ATP13A5: variants seen among roughly 807,000 people sequenced by gnomAD.
The protein encoded by ATP13A5 is probable cation-transporting ATPase 13A5.
ATP13A5 carries 149 observed loss-of-function variants against 150.2 expected under a neutral mutation model. The observed-to-expected ratio is 0.99, with a 90% CI of 0.87 to 1.14. The LOEUF (loss-of-function observed/expected upper bound fraction) is 1.14. Ranked by LOEUF, ATP13A5 falls within the 50% of genes most tolerant of loss-of-function variation. The pLI is 0.00. For synonymous variants in ATP13A5, 497 were observed against 522.2 expected, an observed-to-expected ratio of 0.95 and a Z score of 0.66; for missense variants, 1,383 against 1,449.3, an observed-to-expected ratio of 0.95 and a Z score of 0.74.
At chr3:193,351,364 G>A (rs1712557329) in intron 6 of ATP13A5, among the ~76,000 whole-genome samples, 163 bp from the exon 7 acceptor site, 1 of 152,120 alleles carries the variant, frequency 6.6e-6, no homozygotes, top group African/African-American at 2.4e-5. Flanking sequence ...TTGAGAAAAT[G>A]TCAAACACAT....
At chr3:193,362,827 C>CTTTCTCTCTT (rs1713086208) in intron 3 of ATP13A5, among the ~76,000 whole-genome samples, 190 bp from the exon 4 acceptor site, 1 of 141,730 alleles carries the variant, frequency 7.1e-6, no homozygotes, top group African/African-American at 2.9e-5. Flanking sequence ...CAGGGTCTCA[C>CTTTCTCTCTT]TCTGTCACCC....
chr3:193,327,922 C>T (rs1719526333), intron 12 of ATP13A5, among the ~76,000 whole-genome samples: 1 of 152,216 alleles, frequency 6.6e-6, no homozygotes, highest in South Asian at 2.1e-4. Flanking sequence ...CCTGTTTCAA[C>T]ACTAAGATCC....
At chr3:193,343,295 T>C (rs991428269) in intron 9 of ATP13A5, among the ~76,000 whole-genome samples, 1 of 152,226 alleles carries the variant, frequency 6.6e-6, no homozygotes, top group African/African-American at 2.4e-5. Context: ...AGTAGTATCT[T>C]ACTAATTAAA....
Position 193,275,209 on chromosome 3 carries a change from G to T in ATP13A5, c.3490C>A (p.Leu1164Ile). The change falls in exon 30 of 30, where the codon CTA (leucine) becomes ATA (isoleucine). Residue 1164 changes from leucine to isoleucine, a missense_variant. Physicochemically the swap from Leu to Ile is conservative, Grantham distance 5 (BLOSUM62 2). Transcript: ENST00000342358. Reference protein sequence around the residue: ...KSQYRTWQKKLAEDSTWPPIN... With the variant: ...KSQYRTWQKKIAEDSTWPPIN... ...GGAGGCCAGGTTGAGTCTTCTGCTAGCTTCTTTTGCCAAGTCCTATATTGA... is the reference window on the plus strand; with the variant it reads ...GGAGGCCAGGTTGAGTCTTCTGCTATCTTCTTTTGCCAAGTCCTATATTGA... The T allele has an allele frequency of 6.2e-7, 1 of 1,614,154 alleles. No individual in the cohort carries two copies. Among genetic ancestry groups the T allele is most frequent in the South Asian group, 1.1e-5 (1 of 91,078 alleles).
chr3:193,299,450 T>C (rs1329483760), intron 24 of ATP13A5, among the ~76,000 whole-genome samples: 1 of 152,156 alleles, frequency 6.6e-6, no homozygotes, highest in Non-Finnish European at 1.5e-5. Flanking sequence ...CACCCTCCTA[T>C]TGGGTGCATT....
intron 27 of ATP13A5, among the ~76,000 whole-genome samples, chr3:193,284,700 A>G (rs1717644002): frequency 6.6e-6 from 1 of 152,246 alleles, no homozygotes; most frequent in Admixed American, 6.5e-5. Flanking sequence ...GACAAGACTC[A>G]TGTGACAGTT....
chr3:193,354,138 G>A lies in ATP13A5; in HGVS notation c.595C>T (p.Leu199Phe). 3 of 1,606,666 alleles carry A rather than the reference G, an allele frequency of 1.9e-6. No homozygotes were observed. Among genetic ancestry groups the A allele is most frequent in the East Asian group, 2.2e-5 (1 of 44,814 alleles). ...AAGAAAACAGTTACCTGTTTAACAA[G>A]CAGCTTCCATATGGGTTGGATTTCA... Reference protein sequence around the residue: ...EVEIQPIWKLLVKQVLNPFYV... With the variant: ...EVEIQPIWKLFVKQVLNPFYV... The change falls in exon 6 of 30, where the codon CTT becomes TTT. Residue 199 changes from leucine to phenylalanine, a missense_variant. By Grantham distance (22) the Leu-to-Phe change is conservative. Around this residue, in one of 3 missense-constraint regions of ATP13A5, gnomAD observed 787 missense variants for 771.9 expected, o/e 1.02. Coordinates refer to ENST00000342358, the MANE Select transcript of ATP13A5 (RefSeq NM_198505.4).
chr3:193,353,742 T>G (rs1712660854), intron 6 of ATP13A5, among the ~76,000 whole-genome samples: 1 of 152,198 alleles, frequency 6.6e-6, no homozygotes, highest in Non-Finnish European at 1.5e-5. Context: ...CACCGGGAAC[T>G]GAATATGCAA....
chr3:193,354,461 C>G (rs1420926654), intron 5 of ATP13A5, among the ~76,000 whole-genome samples: 1 of 152,108 alleles, frequency 6.6e-6, no homozygotes, highest in Non-Finnish European at 1.5e-5. Context: ...AAGACACTTT[C>G]ATTTTGAGTT....
At chr3:193,313,923 G>A in intron 19 of ATP13A5, 110 bp downstream of exon 19, 2 of 1,260,862 alleles carry the variant, frequency 1.6e-6, no homozygotes, top group Non-Finnish European at 2.2e-6. Context: ...CTGGACAGAT[G>A]TGAGGGATTA....
intron 21 of ATP13A5, among the ~76,000 whole-genome samples, chr3:193,309,045 A>G (rs1718735686): frequency 6.6e-6 from 1 of 152,176 alleles, no homozygotes; most frequent in East Asian, 1.9e-4. Context: ...CTCACCAGCC[A>G]TCATCTAAAG....
intron 11 of ATP13A5, 33 bp from the exon 12 acceptor site, chr3:193,331,344 GC>G (rs1711624009): frequency 1.3e-6 from 2 of 1,581,630 alleles, no homozygotes; most frequent in Middle Eastern, 2.2e-4. Context: ...ATACAGGATA[GC>G]CCAGCACAGC....
chr3:193,354,184 A>C lies in ATP13A5; in HGVS notation c.549T>G (p.Cys183Trp). The C allele has an allele frequency of 1.2e-6, 2 of 1,612,672 alleles. No homozygotes were observed. The highest frequency in any genetic ancestry group is 1.7e-6 in the Non-Finnish European group (2 of 1,179,602). Reference protein sequence around the residue: ...SEEQEVRRLVCGPNAIEVEIQ... With the variant: ...SEEQEVRRLVWGPNAIEVEIQ... ...TTTCAACCTCAATGGCGTTGGGCCC[A>C]CACACTAATCTTCTGCGGGAAATTG... Residue 183 changes from cysteine to tryptophan, a missense_variant, in exon 6 of 30, where the codon TGT becomes TGG. Physicochemically the swap from Cys to Trp is radical, Grantham distance 215. Transcript: ENST00000342358.
rs374468039 is a variant in ATP13A5 at position 193,377,177 on chromosome 3, T to A, written c.63+1486A>T. 3.0e-4 allele frequency among the ~76,000 whole-genome samples: 45 copies of A among 152,348 alleles called. 1 individual carries two copies. The highest frequency in any genetic ancestry group is 5.8e-4 in the African/African-American group (24 of 41,590). On this transcript the variant is annotated intron_variant, in intron 1 of 29. Transcript: ENST00000342358. ...AGCAATGTAATTTTTCATGCACTCT[T>A]ATCTACATGTTGAAAACATCAGAGC... is the stretch of plus-strand genomic sequence containing the variant.
At chr3:193,314,352 G>T in intron 18 of ATP13A5, 159 bp from the exon 19 acceptor site, 1 of 690,240 alleles carries the variant, frequency 1.4e-6, no homozygotes, top group Non-Finnish European at 2.4e-6. Flanking sequence ...CCCCTACTGG[G>T]CAAACACTAT....
chr3:193,368,320 C>G (rs1042466660), intron 1 of ATP13A5, among the ~76,000 whole-genome samples: 3 of 151,686 alleles, frequency 2.0e-5, no homozygotes, highest in Non-Finnish European at 4.4e-5. Flanking sequence ...AAAGTAAAGA[C>G]CTAAATAAAC....
At chr3:193,300,412 G>T (rs1294108436) in intron 24 of ATP13A5, among the ~76,000 whole-genome samples, 1 of 152,098 alleles carries the variant, frequency 6.6e-6, no homozygotes, top group Non-Finnish European at 1.5e-5. Context: ...TCCCAGTCCA[G>T]TTCTTGTTTC....
At chr3:193,378,535 G>C in intron 1 of ATP13A5, 128 bp downstream of exon 1, 1 of 835,332 alleles carries the variant, frequency 1.2e-6, no homozygotes, top group Admixed American at 2.3e-5. Context: ...AACCTTACCA[G>C]ACTGAAACCT....
At chr3:193,300,386 A>G (rs1341331750) in intron 24 of ATP13A5, among the ~76,000 whole-genome samples, 1 of 152,114 alleles carries the variant, frequency 6.6e-6, no homozygotes, top group Non-Finnish European at 1.5e-5. Context: ...AAGAACTTGA[A>G]TCCAGGTTTT....
Sources: allele counts gnomAD v4.1 joint callset (sites outside exome capture counted in the v4.1 genomes callset), GRCh38; gene constraint gnomAD v4.1.1; regional missense constraint gnomAD v4.1.1; transcripts MANE v1.5; gene names NCBI Gene and HGNC (gene_info 2026-07-23, HGNC 2026-07-21).